The following SART3 variants were observed in gnomAD, a reference collection of about 807,000 sequenced individuals.
SART3 encodes HIV-1 Tat-interacting protein of 110kDa.
A neutral mutation model predicts 122.3 loss-of-function variants in SART3; 44 were observed. The ratio of observed to expected loss-of-function variants is 0.36; its 90% CI spans 0.28 to 0.46. SART3 has a LOEUF of 0.46. Ranked by LOEUF, SART3 falls within the 20% of genes least tolerant of loss-of-function variation. The pLI is 1.00. For synonymous variants in SART3, 442 were observed against 454.0 expected (o/e 0.97, Z 0.34); for missense variants, 1,101 against 1,229.0 (o/e 0.90, Z 1.56).
rs762278126 is a variant in SART3, at chr12:108,523,572, G to A, written c.2777C>T (p.Ala926Val). The A allele has an allele frequency of 7.4e-6, 12 of 1,614,152 alleles. No homozygotes were observed. Among genetic ancestry groups the A allele is most frequent in the African/African-American group, 1.3e-5 (1 of 75,048 alleles). The part of the protein sequence containing the change: ...LPRALQRPSA[A>V]APQAENGPAA... ...AGGGCCGTTCTCAGCCTGAGGAGCT[G>A]CAGCACTTGGGCGCTGCAGGGCACG... The change falls in exon 19 of 19, where the codon GCA becomes GTA. Residue 926 changes from alanine to valine, a missense_variant. By Grantham distance (64) the Ala-to-Val change is moderately conservative (BLOSUM62 0). Around this residue, in one of 2 missense-constraint regions of SART3, gnomAD observed 885 missense variants for 1,080.1 expected, o/e 0.82. Coordinates refer to ENST00000546815, the MANE Select transcript of SART3 (RefSeq NM_014706.4).
At position 108,526,549 on chromosome 12, in the gene SART3, C is replaced by T. The variant is rs907163631; in HGVS notation, c.1920G>A (p.Gln640=). The change falls in exon 16 of 19, where the codon CAG becomes CAA. Residue 640 remains glutamine (Q), a synonymous_variant. Transcript: ENST00000546815. The part of the protein sequence containing the change: ...EKEWGDDEEE[Q]PSKRRRVENS... ...TCTCGACCCTTCTGCGTTTGGAAGG[C>T]TGCTCTACAGGTTTTCAAAAGAAAA... 6.2e-7 allele frequency: 1 copy of T among 1,613,726 alleles called. No individual in the cohort carries two copies. The highest frequency in any genetic ancestry group is 8.5e-7 in the Non-Finnish European group (1 of 1,180,028).
chr12:108,559,607 G>A (rs999334376), intron 1 of SART3, among the ~76,000 whole-genome samples: 2 of 146,910 alleles, frequency 1.4e-5, no homozygotes, highest in African/African-American at 5.1e-5. Context: ...AGAGGTTGCA[G>A]TGACACGAGA....
At chr12:108,534,507 TA>T (rs879940836) in intron 12 of SART3, among the ~76,000 whole-genome samples, 7,240 of 139,096 alleles carry the variant, frequency 0.052, 491 homozygotes, top group African/African-American at 0.16. Context: ...GTGCCTCTTC[TA>T]AAAAAAAAAA....
At chr12:108,537,354 T>TG in intron 9 of SART3, 134 bp downstream of exon 9, 1 of 704,816 alleles carries the variant, frequency 1.4e-6, no homozygotes. Context: ...CTAAGATTTC[T>TG]GGGGGAAAAA....
chr12:108,558,705 T>C (rs191535364), intron 1 of SART3, among the ~76,000 whole-genome samples: 5 of 152,274 alleles, frequency 3.3e-5, no homozygotes, highest in African/African-American at 4.8e-5. Flanking sequence ...GTTTGCTGAA[T>C]GAGTAAGACT....
At chr12:108,544,077 G>A (rs745661255) in intron 5 of SART3, among the ~76,000 whole-genome samples, 1 of 152,116 alleles carries the variant, frequency 6.6e-6, no homozygotes, top group Non-Finnish European at 1.5e-5. Flanking sequence ...GATTATAATG[G>A]AACTCTTGTT....
chr12:108,524,202 T>C lies in SART3; in HGVS notation c.2714+114A>G, dbSNP rs935129654. On this transcript the variant is annotated intron_variant, in intron 18 of 18. Coordinates refer to ENST00000546815, the MANE Select transcript of SART3 (RefSeq NM_014706.4). ...TGATTACCACAAGGAACAGCACATC[T>C]TGGCTTTTCTGTCCTAACAGGAAGC... 3.2e-6 allele frequency: 3 copies of C among 931,536 alleles called. No homozygotes were observed. In the African/African-American group the frequency reaches 4.8e-5, roughly 15 times the overall value. The allele number at this position is 931,536 out of a possible 1,614,324, so 57.7% of individuals were successfully genotyped here.
chr12:108,537,491 GT>G lies in SART3; in HGVS notation c.1305del (p.Lys435AsnfsTer11). 1 of 1,611,108 alleles carries G rather than the reference GT, an allele frequency of 6.2e-7. No homozygotes were observed. Among genetic ancestry groups the G allele is most frequent in the Non-Finnish European group, 8.5e-7 (1 of 1,177,200 alleles). On this transcript the variant is annotated frameshift_variant, in exon 9 of 19. Transcript: ENST00000546815. LOFTEE classifies it high-confidence loss of function. ...LDYLRRRVDF[K>X]QDSSKELEEL... Reference sequence around the variant, plus strand: ...TGAAAAACATGTGCTTAAATACCTTGTTTGAAATCAACCCTTCTCCTCAGGT... The same window carrying G: ...TGAAAAACATGTGCTTAAATACCTTGTTGAAATCAACCCTTCTCCTCAGGT...
At chr12:108,528,721 T>C (rs1323882645) in intron 15 of SART3, among the ~76,000 whole-genome samples, 1 of 151,904 alleles carries the variant, frequency 6.6e-6, no homozygotes, top group Admixed American at 6.6e-5. Flanking sequence ...ATGGCACATA[T>C]GAGAAGGGGA....
intron 1 of SART3, among the ~76,000 whole-genome samples, chr12:108,552,950 C>T (rs755045175): frequency 6.6e-6 from 1 of 152,072 alleles, no homozygotes; most frequent in Non-Finnish European, 1.5e-5. Flanking sequence ...ACCTACAATA[C>T]AGCTACAATC....
intron 15 of SART3, among the ~76,000 whole-genome samples, chr12:108,528,385 A>G (rs561795494): frequency 6.6e-6 from 1 of 152,024 alleles, no homozygotes; most frequent in African/African-American, 2.4e-5. Context: ...TGGAAGGCTG[A>G]AGGAAGAGAA....
In SART3 at chr12:108,561,119, G is replaced by C; in HGVS notation, c.36C>G (p.Pro12=). 6.2e-7 allele frequency: 1 copy of C among 1,613,606 alleles called. No homozygotes were observed. Among genetic ancestry groups the C allele is most frequent in the South Asian group, 1.1e-5 (1 of 91,070 alleles). Residue 12 remains proline, a synonymous_variant, in exon 1 of 19, where the codon CCC becomes CCG. Transcript: ENST00000546815. The stretch of plus-strand genomic sequence containing the variant: ...TGGGCCCAGCCTTGGACTCAGCCTC[G>C]GGTTCTGAAGCCGAGGTTTCGGCCG... ...ATAAETSASE[P]EAESKAGPKA...
At chr12:108,532,742 A>C in intron 12 of SART3, 1 of 204,972 alleles carries the variant, frequency 4.9e-6, no homozygotes, top group South Asian at 7.3e-5. Flanking sequence ...CAAATTTCAT[A>C]CCCAGAGTCA....
Position 108,526,560 on chromosome 12 carries a change from GT to G in SART3, c.1916-8del. 2 of 1,613,134 alleles carry G rather than the reference GT, an allele frequency of 1.2e-6. No individual in the cohort carries two copies. The highest frequency in any genetic ancestry group is 2.2e-5 in the South Asian group (2 of 91,078). ...CTGCGTTTGGAAGGCTGCTCTACAG[GT>G]TTTCAAAAGAAAAGTAGCCATGGTT... On this transcript the variant is annotated splice_region_variant and splice_polypyrimidine_tract_variant and intron_variant, in intron 15 of 18. Coordinates refer to ENST00000546815, the MANE Select transcript of SART3 (RefSeq NM_014706.4).
chr12:108,553,523 T>C (rs1306532554), intron 1 of SART3, among the ~76,000 whole-genome samples: 1 of 152,218 alleles, frequency 6.6e-6, no homozygotes, highest in Non-Finnish European at 1.5e-5. Flanking sequence ...TATCTACTCT[T>C]CCAACATCTG....
At chr12:108,539,599 A>G (rs1873069005) in intron 6 of SART3, among the ~76,000 whole-genome samples, 1 of 152,252 alleles carries the variant, frequency 6.6e-6, no homozygotes, top group Admixed American at 6.5e-5. Context: ...AAAGACATAC[A>G]ATCAAATTCT....
At chr12:108,528,632 G>C (rs1872511157) in intron 15 of SART3, among the ~76,000 whole-genome samples, 1 of 152,172 alleles carries the variant, frequency 6.6e-6, no homozygotes, top group Admixed American at 6.5e-5. Flanking sequence ...CCTAGATCTG[G>C]AAGCCTGAGT....
rs1475444675 is a variant in SART3, at chr12:108,544,495, T to C, written c.730-17A>G. 3 of 1,614,140 alleles carry C rather than the reference T, an allele frequency of 1.9e-6. No homozygotes were observed. The highest frequency in any genetic ancestry group is 2.5e-6 in the Non-Finnish European group (3 of 1,180,060). The stretch of plus-strand genomic sequence containing the variant: ...TTTCTCAAGCTGTGAATCAAAGGTT[T>C]GTTCCCGGTCAAAAGGGGAAAGGAA... On this transcript the variant is annotated splice_polypyrimidine_tract_variant and intron_variant, in intron 4 of 18. Coordinates refer to ENST00000546815, the MANE Select transcript of SART3 (RefSeq NM_014706.4).
In SART3 at chr12:108,530,066, A is replaced by G. The variant is rs759616001; in HGVS notation, c.1915+76T>C. 1.5e-5 allele frequency: 23 copies of G among 1,535,822 alleles called. No homozygotes were observed. The Middle Eastern group carries it at 6.7e-4, about 45-fold the overall frequency. ...TCAAGCTGGTAACGGTTCAGGGAAGAAAGTTCTTCATACTGTATTCGCAAC... is the reference window on the plus strand; with the variant it reads ...TCAAGCTGGTAACGGTTCAGGGAAGGAAGTTCTTCATACTGTATTCGCAAC... On this transcript the variant is annotated intron_variant, in intron 15 of 18. Transcript: ENST00000546815.
Sources: gnomAD v4.1 joint callset for allele counts (sites outside exome capture counted in the v4.1 genomes callset) on GRCh38, gnomAD v4.1.1 for gene constraint, gnomAD v4.1.1 regional missense constraint, MANE v1.5 for transcripts, NCBI Gene and HGNC (gene_info 2026-07-23, HGNC 2026-07-21) for gene names.